Variants in DDAH1 observed in about 807,000 individuals in gnomAD.
DDAH1 encodes the protein N(G),N(G)-dimethylarginine dimethylaminohydrolase 1.
In DDAH1, 19 loss-of-function variants were observed where a neutral mutation model predicts 28.8. That is an observed-to-expected ratio of 0.66 (90% CI 0.46 to 0.97). The LOEUF (loss-of-function observed/expected upper bound fraction) is 0.97, where lower values mean the gene tolerates loss of function less well. Ranked by LOEUF, DDAH1 falls within the 50% of genes least tolerant of loss-of-function variation. The pLI, the probability that DDAH1 is intolerant of heterozygous loss-of-function variation, is 0.00. For synonymous variants in DDAH1, 153 were observed against 154.4 expected (o/e 0.99, Z 0.07); for missense variants, 326 against 375.9 (o/e 0.87, Z 1.10).
intron 1 of DDAH1, among the ~76,000 whole-genome samples, chr1:85,431,383 C>T (rs1653680775): frequency 6.6e-6 from 1 of 152,122 alleles, no homozygotes; most frequent in African/African-American, 2.4e-5. Context: ...CTAAGGATAG[C>T]TAGGACAGTT....
At chr1:85,373,364 CATCTCAAATTGTA>C (rs1650489415) in intron 1 of DDAH1, among the ~76,000 whole-genome samples, 1 of 152,092 alleles carries the variant, frequency 6.6e-6, no homozygotes, top group African/African-American at 2.4e-5. Flanking sequence ...AACCAAATCT[CATCTCAAATTGTA>C]ATCTCCATGT....
At chr1:85,542,426 C>T (rs182504505) in intron 1 of DDAH1, among the ~76,000 whole-genome samples, 44 of 152,306 alleles carry the variant, frequency 2.9e-4, no homozygotes, top group Admixed American at 1.9e-3. Flanking sequence ...CCCCTCAAAC[C>T]TCTTCTCCAA....
chr1:85,368,600 T>G (rs1490836085), intron 1 of DDAH1, among the ~76,000 whole-genome samples: 1 of 152,312 alleles, frequency 6.6e-6, no homozygotes. Flanking sequence ...AATACATGTA[T>G]TGAGTACTTA....
chr1:85,519,910 A>G lies in DDAH1; in HGVS notation c.-122-23629T>C, dbSNP rs1570635557. ...CTAGGAATAAAAGGAGGTAAACGGC[A>G]TGGGGGAAGACTACAAAAAGGATAT... On this transcript the variant is annotated intron_variant, in intron 1 of 6. Coordinates refer to the DDAH1 transcript ENST00000426972. 3.3e-5 allele frequency among the ~76,000 whole-genome samples: 5 copies of G among 152,308 alleles called. No individual in the cohort carries two copies. The South Asian group carries it at 1.0e-3, about 32-fold the overall frequency.
intron 2 of DDAH1, among the ~76,000 whole-genome samples, chr1:85,355,354 T>C (rs1300957292): frequency 6.6e-6 from 1 of 152,140 alleles, no homozygotes; most frequent in Admixed American, 6.5e-5. Context: ...CCTAATACAT[T>C]CTACGAGGCT....
At chr1:85,565,669 G>A (rs960747520) in intron 1 of DDAH1, among the ~76,000 whole-genome samples, 4 of 152,280 alleles carry the variant, frequency 2.6e-5, no homozygotes, top group Non-Finnish European at 4.4e-5. Flanking sequence ...TAAAAGAAGT[G>A]CTTCAGGCAG....
chr1:85,357,942 C>T (rs1431331774), intron 2 of DDAH1, among the ~76,000 whole-genome samples: 1 of 152,164 alleles, frequency 6.6e-6, no homozygotes, highest in Non-Finnish European at 1.5e-5. Context: ...ATTAGCTGTT[C>T]ATATTTTGTT....
At chr1:85,439,571 A>C (rs913360997) in intron 1 of DDAH1, among the ~76,000 whole-genome samples, 1 of 152,200 alleles carries the variant, frequency 6.6e-6, no homozygotes, top group Admixed American at 6.5e-5. Flanking sequence ...CTTGTTTCTT[A>C]TATCTGTTTT....
At chr1:85,524,575 G>T (rs1657798304) in intron 1 of DDAH1, among the ~76,000 whole-genome samples, 1 of 151,926 alleles carries the variant, frequency 6.6e-6, no homozygotes, top group South Asian at 2.1e-4. Context: ...TCCAGCTGTT[G>T]CTTTAAAATT....
intron 1 of DDAH1, among the ~76,000 whole-genome samples, chr1:85,426,928 A>AC (rs1187409361): frequency 2.0e-5 from 3 of 147,058 alleles, no homozygotes; most frequent in Non-Finnish European, 4.6e-5. Flanking sequence ...AAACAAAAAA[A>AC]AAAAAAAAAA....
In DDAH1 at chr1:85,512,544, A is replaced by G. The variant is rs146749670; in HGVS notation, c.-122-16263T>C. On this transcript the variant is annotated intron_variant, in intron 1 of 6. Coordinates refer to the DDAH1 transcript ENST00000426972. ...GAAATAAAGGGTATTCAATTAGGAA[A>G]AGAGGAAGTCAAATTGTTCCTGTTT... Among the ~76,000 whole-genome samples, 601 of 152,338 alleles carry G rather than the reference A, an allele frequency of 3.9e-3. 4 individuals carry two copies. Among genetic ancestry groups the G allele is most frequent in the African/African-American group, 0.014 (565 of 41,584 alleles).
intron 1 of DDAH1, among the ~76,000 whole-genome samples, chr1:85,532,693 A>G (rs1658131813): frequency 6.6e-6 from 1 of 152,018 alleles, no homozygotes; most frequent in Non-Finnish European, 1.5e-5. Context: ...GAAGGGGAGA[A>G]TCCCTCTTTT....
At chr1:85,544,299 T>G (rs769276336) in intron 1 of DDAH1, among the ~76,000 whole-genome samples, 2 of 152,208 alleles carry the variant, frequency 1.3e-5, no homozygotes, top group Non-Finnish European at 2.9e-5. Context: ...ACTAGGCACA[T>G]GCACGTGGCA....
intron 1 of DDAH1, among the ~76,000 whole-genome samples, chr1:85,462,123 A>G (rs2100690193): frequency 6.6e-6 from 1 of 152,352 alleles, no homozygotes; most frequent in Non-Finnish European, 1.5e-5. Flanking sequence ...ATATTAGCTA[A>G]TAATAGTGAT....
intron 1 of DDAH1, among the ~76,000 whole-genome samples, chr1:85,520,091 T>G (rs1657629221): frequency 6.6e-6 from 1 of 152,132 alleles, no homozygotes; most frequent in East Asian, 1.9e-4. Context: ...CTTATATCCT[T>G]CACTCCCCTC....
intron 1 of DDAH1, among the ~76,000 whole-genome samples, chr1:85,443,597 A>G (rs1654300990): frequency 6.6e-6 from 1 of 152,188 alleles, no homozygotes; most frequent in African/African-American, 2.4e-5. Flanking sequence ...GATGGCATTG[A>G]ATCTATAAAT....
At chr1:85,457,648 T>C (rs1348621454) in intron 1 of DDAH1, among the ~76,000 whole-genome samples, 2 of 152,294 alleles carry the variant, frequency 1.3e-5, no homozygotes, top group Non-Finnish European at 2.9e-5. Flanking sequence ...ACACAAAAAC[T>C]GGAAAACTTT....
intron 1 of DDAH1, among the ~76,000 whole-genome samples, chr1:85,538,913 CCTT>C (rs1245583368): frequency 6.6e-6 from 1 of 152,078 alleles, no homozygotes; most frequent in Non-Finnish European, 1.5e-5. Flanking sequence ...ACGTTCAAAT[CCTT>C]CTTTTTCTGG....
At chr1:85,546,649 A>T (rs986699053) in intron 1 of DDAH1, among the ~76,000 whole-genome samples, 1 of 152,182 alleles carries the variant, frequency 6.6e-6, no homozygotes, top group Non-Finnish European at 1.5e-5. Context: ...TCACTCTTTT[A>T]TTAAAAATCT....
Sources: allele counts gnomAD v4.1 joint callset (sites outside exome capture counted in the v4.1 genomes callset), GRCh38; gene constraint gnomAD v4.1.1; transcripts MANE v1.5; gene names NCBI Gene and HGNC (gene_info 2026-07-23, HGNC 2026-07-21).